VTI1A: variants seen among roughly 807,000 people sequenced by gnomAD.
VTI1A encodes the protein vesicle transport through interaction with t-SNAREs homolog 1A.
In VTI1A, 22 loss-of-function variants were observed where a neutral mutation model predicts 34.9. The observed-to-expected ratio is 0.63, with a 90% CI of 0.45 to 0.90. The LOEUF (loss-of-function observed/expected upper bound fraction) is 0.90, where lower values mean the gene tolerates loss of function less well. VTI1A is among the 40% of genes least tolerant of loss of function. VTI1A has a pLI of 0.00. For missense variants in VTI1A, 268 were observed against 275.6 expected, an observed-to-expected ratio of 0.97 and a Z score of 0.20; for synonymous variants, 87 against 97.3, an observed-to-expected ratio of 0.89 and a Z score of 0.62.
intron 7 of VTI1A, among the ~76,000 whole-genome samples, chr10:112,674,855 G>A (rs756745387): frequency 6.6e-6 from 1 of 152,174 alleles, no homozygotes; most frequent in Non-Finnish European, 1.5e-5. Flanking sequence ...AGGCCAGTTT[G>A]TGAATCAGAA....
chr10:112,507,414 A>G (rs749402491), intron 3 of VTI1A, among the ~76,000 whole-genome samples: 41 of 152,294 alleles, frequency 2.7e-4, no homozygotes, highest in Admixed American at 7.2e-4. Context: ...TTACAAATGT[A>G]GTTGCCTTAC....
chr10:112,543,773 G>T (rs186449052), intron 5 of VTI1A, among the ~76,000 whole-genome samples: 1 of 152,194 alleles, frequency 6.6e-6, no homozygotes, highest in Non-Finnish European at 1.5e-5. Flanking sequence ...GTCCTGAATG[G>T]TATTGCCTAG....
chr10:112,579,574 A>G (rs1223270535), intron 5 of VTI1A, among the ~76,000 whole-genome samples: 2 of 152,210 alleles, frequency 1.3e-5, no homozygotes, highest in East Asian at 3.9e-4. Context: ...CTTACAATAG[A>G]TGCTGACTAA....
At chr10:112,518,611 A>ATATG (rs1491386126) in intron 3 of VTI1A, among the ~76,000 whole-genome samples, 15 of 134,188 alleles carry the variant, frequency 1.1e-4, no homozygotes, top group East Asian at 7.2e-4. Flanking sequence ...ATATATATAT[A>ATATG]TGTGTGTGTG....
chr10:112,792,419 A>G (rs376925099), intron 7 of VTI1A, among the ~76,000 whole-genome samples: 2 of 152,166 alleles, frequency 1.3e-5, no homozygotes, highest in South Asian at 2.1e-4. Flanking sequence ...CTGAGGTCAC[A>G]CAGCCCAGCA....
intron 5 of VTI1A, among the ~76,000 whole-genome samples, chr10:112,555,540 T>C (rs1851512911): frequency 6.6e-6 from 1 of 152,052 alleles, no homozygotes; most frequent in South Asian, 2.1e-4. Flanking sequence ...CTAAACACAG[T>C]TGTACCCATT....
At chr10:112,798,116 C>T (rs902646722) in intron 7 of VTI1A, among the ~76,000 whole-genome samples, 3 of 152,194 alleles carry the variant, frequency 2.0e-5, no homozygotes, top group Non-Finnish European at 2.9e-5. Flanking sequence ...TGACCATCCT[C>T]CTTTCCTCAG....
intron 7 of VTI1A, among the ~76,000 whole-genome samples, chr10:112,675,428 G>A (rs984778875): frequency 2.0e-5 from 3 of 152,146 alleles, no homozygotes; most frequent in Admixed American, 1.3e-4. Flanking sequence ...CCTTCTGGGT[G>A]TGCAGACAGT....
At chr10:112,732,927 G>T (rs1211954272) in intron 7 of VTI1A, among the ~76,000 whole-genome samples, 3 of 151,742 alleles carry the variant, frequency 2.0e-5, no homozygotes, top group African/African-American at 4.9e-5. Context: ...CAGTAAAGGT[G>T]GATGGTCCCC....
At chr10:112,513,394 G>T (rs563859328) in intron 3 of VTI1A, among the ~76,000 whole-genome samples, 1 of 152,100 alleles carries the variant, frequency 6.6e-6, no homozygotes, top group Admixed American at 6.5e-5. Flanking sequence ...TTTATATACT[G>T]CAACTTTACT....
chr10:112,539,039 AAT>A (rs1480017791), intron 5 of VTI1A, among the ~76,000 whole-genome samples: 1 of 152,202 alleles, frequency 6.6e-6, no homozygotes, highest in Non-Finnish European at 1.5e-5. Flanking sequence ...TGTTTCATGC[AAT>A]GACTGTTTGT....
chr10:112,648,239 C>T (rs958091526), intron 5 of VTI1A, among the ~76,000 whole-genome samples: 4 of 152,174 alleles, frequency 2.6e-5, no homozygotes, highest in Non-Finnish European at 5.9e-5. Context: ...CAGCTTAAAC[C>T]TATCCATTCT....
chr10:112,756,993 C>A (rs1325584193), intron 7 of VTI1A, among the ~76,000 whole-genome samples: 1 of 151,328 alleles, frequency 6.6e-6, no homozygotes, highest in Non-Finnish European at 1.5e-5. Flanking sequence ...CTGCAGTGAG[C>A]CGAAATTGCG....
chr10:112,470,652 G>T (rs1051683023), intron 3 of VTI1A, among the ~76,000 whole-genome samples: 24 of 152,048 alleles, frequency 1.6e-4, no homozygotes, highest in Admixed American at 1.6e-3. Flanking sequence ...CGAGGCAGGC[G>T]GATCACTTGA....
At chr10:112,776,914 G>T (rs1851970538) in intron 7 of VTI1A, among the ~76,000 whole-genome samples, 1 of 151,994 alleles carries the variant, frequency 6.6e-6, no homozygotes, top group South Asian at 2.1e-4. Context: ...CTGACCTCAG[G>T]TGATCCACCT....
At chr10:112,826,786 G>C in the VTI1A span, 8 of 152,298 alleles carry the variant, frequency 5.3e-5, no homozygotes, top group East Asian at 1.4e-3. Context: ...GGTTTCACCT[G>C]CAGCTTTCAG....
At chr10:112,447,145 CTTATCTT>C, upstream of VTI1A, 1 of 525,064 alleles carries the variant, frequency 1.9e-6, no homozygotes, top group Non-Finnish European at 3.5e-6. Flanking sequence ...TGCGAACTTA[CTTATCTT>C]AAAGTCGGAG....
the VTI1A span, among the ~76,000 whole-genome samples, chr10:112,834,470 C>T: frequency 6.6e-6 from 1 of 152,202 alleles, no homozygotes; most frequent in South Asian, 2.1e-4. Flanking sequence ...CCATCCCTAA[C>T]CCCCTACCAA....
At chr10:112,614,670 A>G (rs1381647769) in intron 5 of VTI1A, among the ~76,000 whole-genome samples, 4 of 152,132 alleles carry the variant, frequency 2.6e-5, no homozygotes, top group African/African-American at 9.7e-5. Flanking sequence ...ATCTTGAAGG[A>G]CTTGTGGAGA....
Sources: gnomAD v4.1 joint callset for allele counts (sites outside exome capture counted in the v4.1 genomes callset) on GRCh38, gnomAD v4.1.1 for gene constraint, MANE v1.5 for transcripts, NCBI Gene and HGNC (gene_info 2026-07-23, HGNC 2026-07-21) for gene names.